Variants in NEGR1 observed in about 807,000 individuals in gnomAD.
NEGR1 encodes the protein neuronal growth regulator 1.
Under a neutral mutation model 40.9 loss-of-function variants are expected in NEGR1, and 10 were observed. That is an observed-to-expected ratio of 0.24 (90% confidence interval 0.15 to 0.42). The LOEUF (loss-of-function observed/expected upper bound fraction) is 0.42, where lower values mean the gene tolerates loss of function less well. NEGR1 is among the 10% of genes least tolerant of loss of function. NEGR1 has a pLI of 1.00. For missense variants in NEGR1, 352 were observed against 438.9 expected, an observed-to-expected ratio of 0.80 and a Z score of 1.77; for synonymous variants, 185 against 166.8, an observed-to-expected ratio of 1.11 and a Z score of -0.84.
chr1:71,758,939 T>C (rs771759723), intron 3 of NEGR1, among the ~76,000 whole-genome samples: 1 of 152,208 alleles, frequency 6.6e-6, no homozygotes, highest in African/African-American at 2.4e-5. Flanking sequence ...TATACCTCCA[T>C]TGACTATGGG....
chr1:72,265,583 G>A (rs140129381), intron 1 of NEGR1, among the ~76,000 whole-genome samples: 317 of 150,580 alleles, frequency 2.1e-3, no homozygotes, highest in African/African-American at 6.8e-3. Flanking sequence ...CCCACTAAAT[G>A]GTAATATACC....
chr1:71,542,531 TC>T (rs1647745943), intron 6 of NEGR1, among the ~76,000 whole-genome samples: 1 of 151,700 alleles, frequency 6.6e-6, no homozygotes, highest in South Asian at 2.1e-4. Context: ...TTCCATCAGT[TC>T]CTCCTATTGA....
intron 1 of NEGR1, among the ~76,000 whole-genome samples, chr1:72,005,277 T>G (rs1287062117): frequency 7.2e-5 from 11 of 152,016 alleles, no homozygotes; most frequent in Non-Finnish European, 1.3e-4. Context: ...GAATGCAAAA[T>G]ACCCCAATCT....
At chr1:71,773,585 G>A (rs1198331126) in intron 3 of NEGR1, among the ~76,000 whole-genome samples, 3 of 152,132 alleles carry the variant, frequency 2.0e-5, no homozygotes, top group Admixed American at 6.5e-5. Flanking sequence ...GAACTCCAGC[G>A]TTGTGGGGTT....
At chr1:71,789,565 C>CACTA (rs1428425669) in intron 2 of NEGR1, among the ~76,000 whole-genome samples, 13 of 152,040 alleles carry the variant, frequency 8.6e-5, no homozygotes, top group Non-Finnish European at 1.8e-4. Context: ...ACATAAGGAA[C>CACTA]ACTAACATGC....
At chr1:72,074,288 T>C (rs1557513525) in intron 1 of NEGR1, among the ~76,000 whole-genome samples, 1 of 152,136 alleles carries the variant, frequency 6.6e-6, no homozygotes, top group Non-Finnish European at 1.5e-5. Flanking sequence ...CAGTTGATTA[T>C]AATTCAGGAT....
intron 2 of NEGR1, among the ~76,000 whole-genome samples, chr1:71,849,851 G>T (rs927942318): frequency 1.3e-5 from 2 of 152,010 alleles, no homozygotes; most frequent in African/African-American, 4.8e-5. Flanking sequence ...ATTAAGGTGT[G>T]TACATTTTTT....
intron 1 of NEGR1, among the ~76,000 whole-genome samples, chr1:72,020,233 G>A (rs1273916359): frequency 1.3e-5 from 2 of 152,104 alleles, no homozygotes; most frequent in Non-Finnish European, 2.9e-5. Context: ...AATATTACAA[G>A]AATGCCTGAA....
At chr1:71,783,359 T>A (rs1024245225) in intron 2 of NEGR1, among the ~76,000 whole-genome samples, 1 of 152,154 alleles carries the variant, frequency 6.6e-6, no homozygotes, top group Admixed American at 6.5e-5. Context: ...GTTCTCAAAC[T>A]GAGATAAGAA....
At chr1:72,116,973 T>G (rs1649605197) in intron 1 of NEGR1, among the ~76,000 whole-genome samples, 1 of 151,760 alleles carries the variant, frequency 6.6e-6, no homozygotes, top group South Asian at 2.1e-4. Context: ...TGAGAATGTG[T>G]CTTATCTGAG....
At chr1:71,830,503 C>T (rs1658801620) in intron 2 of NEGR1, among the ~76,000 whole-genome samples, 1 of 151,684 alleles carries the variant, frequency 6.6e-6, no homozygotes, top group African/African-American at 2.4e-5. Context: ...ACAAATGGTA[C>T]CTTGTTGATT....
chr1:71,759,209 ATCT>A (rs1655848877), intron 3 of NEGR1, among the ~76,000 whole-genome samples: 1 of 151,374 alleles, frequency 6.6e-6, no homozygotes, highest in Admixed American at 6.6e-5. Flanking sequence ...TGGAATTTCC[ATCT>A]GTAGAATCCC....
intron 2 of NEGR1, among the ~76,000 whole-genome samples, chr1:71,819,296 T>C (rs1658338893): frequency 6.6e-6 from 1 of 151,964 alleles, no homozygotes. Context: ...CTATCATCAG[T>C]GGCATTGAAA....
intron 1 of NEGR1, among the ~76,000 whole-genome samples, chr1:72,141,055 C>T (rs900046401): frequency 2.0e-5 from 3 of 151,798 alleles, no homozygotes; most frequent in African/African-American, 7.3e-5. Context: ...GTAGTAAATC[C>T]TAAAACCGAA....
At chr1:71,938,825 T>C (rs1645933950) in intron 1 of NEGR1, among the ~76,000 whole-genome samples, 1 of 152,088 alleles carries the variant, frequency 6.6e-6, no homozygotes, top group African/African-American at 2.4e-5. Flanking sequence ...GTAATTAAAT[T>C]GTCATTATAA....
At chr1:72,064,811 C>T (rs1647235189) in intron 1 of NEGR1, among the ~76,000 whole-genome samples, 1 of 152,020 alleles carries the variant, frequency 6.6e-6, no homozygotes, top group South Asian at 2.1e-4. Flanking sequence ...ATGATTCCTA[C>T]AGCAAACCTT....
chr1:71,496,531 G>T (rs1311144691), intron 6 of NEGR1, among the ~76,000 whole-genome samples: 1 of 152,088 alleles, frequency 6.6e-6, no homozygotes, highest in East Asian at 1.9e-4. Context: ...TTACTTCTCT[G>T]AGAGCTGTAA....
intron 1 of NEGR1, among the ~76,000 whole-genome samples, chr1:72,207,036 G>A (rs1653428870): frequency 1.3e-5 from 2 of 149,152 alleles, no homozygotes; most frequent in African/African-American, 2.5e-5. Context: ...AGGCCCATGA[G>A]GAATTGGAAA....
At chr1:71,561,322 G>A (rs1322966384) in intron 6 of NEGR1, among the ~76,000 whole-genome samples, 1 of 151,634 alleles carries the variant, frequency 6.6e-6, no homozygotes, top group Non-Finnish European at 1.5e-5. Context: ...AGGTTTGCCT[G>A]AGACAATTCT....
Sources: gnomAD v4.1 joint callset for allele counts (sites outside exome capture counted in the v4.1 genomes callset) on GRCh38, gnomAD v4.1.1 for gene constraint, MANE v1.5 for transcripts, NCBI Gene and HGNC (gene_info 2026-07-23, HGNC 2026-07-21) for gene names.